ATG7: variants seen among roughly 807,000 people sequenced by gnomAD.
ATG7 encodes ubiquitin-like modifier-activating enzyme ATG7.
A neutral mutation model predicts 82.4 loss-of-function variants in ATG7; 70 were observed. That is an observed-to-expected ratio of 0.85 (90% CI 0.70 to 1.04). The LOEUF is 1.04. Ranked by LOEUF, ATG7 falls within the 50% of genes least tolerant of loss-of-function variation. The pLI, the probability that ATG7 is intolerant of heterozygous loss-of-function variation, is 0.00. For missense variants in ATG7, 792 were observed against 864.3 expected (o/e 0.92, Z 1.05); for synonymous variants, 287 against 313.0 (o/e 0.92, Z 0.88).
chr3:11,406,183 T>C (rs998071666), intron 19 of ATG7, among the ~76,000 whole-genome samples: 2 of 151,842 alleles, frequency 1.3e-5, no homozygotes, highest in Non-Finnish European at 2.9e-5. Context: ...AGAAATGGGG[T>C]TTCATCATAT....
At chr3:11,308,923 T>G in intron 6 of ATG7, 61 bp from the exon 7 acceptor site, 17 of 1,471,724 alleles carry the variant, frequency 1.2e-5, no homozygotes, top group Admixed American at 1.7e-5. Flanking sequence ...ACACTTCACC[T>G]GAGAGTGAGA....
At chr3:11,558,475 ATTTTTT>A (rs369629845), downstream of ATG7, 22 of 790,072 alleles carry the variant, frequency 2.8e-5, no homozygotes, top group African/African-American at 4.1e-5. Context: ...CACCCCCATG[ATTTTTT>A]TTTTTTTAAG....
At chr3:11,572,807 C>T in the ATG7 span, among the ~76,000 whole-genome samples, 1 of 152,126 alleles carries the variant, frequency 6.6e-6, no homozygotes, top group South Asian at 2.1e-4. Flanking sequence ...TACGAATACA[C>T]CACTGCATAT....
At chr3:11,318,670 T>C (rs909432136) in intron 9 of ATG7, among the ~76,000 whole-genome samples, 1 of 152,238 alleles carries the variant, frequency 6.6e-6, no homozygotes, top group African/African-American at 2.4e-5. Context: ...ACTACTTAGC[T>C]TGGCGTTTGA....
chr3:11,385,644 C>T lies in ATG7; in HGVS notation c.1956+5592C>T, dbSNP rs557449203. 9.2e-5 allele frequency among the ~76,000 whole-genome samples: 14 copies of T among 152,218 alleles called. No individual in the cohort carries two copies. The South Asian group carries it at 2.9e-3, about 32-fold the overall frequency. On this transcript the variant is annotated intron_variant, in intron 19 of 20. Transcript: ENST00000693202. ...GTCCTCTTGTTACGGCATCCCAATA[C>T]CAATTAATTTTGTAAATGTGGAGGA... is the stretch of plus-strand genomic sequence containing the variant.
chr3:11,461,025 A>G (rs970166537), intron 20 of ATG7, among the ~76,000 whole-genome samples: 1 of 152,224 alleles, frequency 6.6e-6, no homozygotes, highest in Non-Finnish European at 1.5e-5. Flanking sequence ...TGATATAATG[A>G]CACACATGAG....
intron 20 of ATG7, among the ~76,000 whole-genome samples, chr3:11,444,630 A>T (rs753248065): frequency 8.5e-5 from 13 of 152,222 alleles, no homozygotes; most frequent in Non-Finnish European, 1.6e-4. Context: ...ACATCCAGAC[A>T]TCCTGGCCCT....
At chr3:11,351,011 G>GCT (rs367586886) in intron 14 of ATG7, among the ~76,000 whole-genome samples, 2 of 150,672 alleles carry the variant, frequency 1.3e-5, no homozygotes, top group East Asian at 3.9e-4. Context: ...GACAGACCTG[G>GCT]CTTTGAACCT....
intron 20 of ATG7, among the ~76,000 whole-genome samples, chr3:11,504,156 G>A (rs1575092401): frequency 6.6e-6 from 1 of 152,230 alleles, no homozygotes; most frequent in Middle Eastern, 3.4e-3. Flanking sequence ...TCGAGAGGGG[G>A]AAAAAAGTTG....
At chr3:11,531,885 A>G (rs1204412825) in intron 20 of ATG7, among the ~76,000 whole-genome samples, 2 of 151,958 alleles carry the variant, frequency 1.3e-5, no homozygotes, top group African/African-American at 4.8e-5. Context: ...AAAAAAAAAA[A>G]AAAGTCTAAT....
intron 20 of ATG7, among the ~76,000 whole-genome samples, chr3:11,548,297 A>C (rs1035264935): frequency 3.9e-5 from 6 of 152,198 alleles, no homozygotes; most frequent in African/African-American, 1.4e-4. Context: ...CAAGTCTCTT[A>C]TCAGATACAT....
At chr3:11,304,685 G>A (rs1947424994) in intron 5 of ATG7, 1 of 152,272 alleles carries the variant, frequency 6.6e-6, no homozygotes, top group African/African-American at 2.4e-5. Flanking sequence ...ACTGAATGAA[G>A]TGAAGGCCAA....
intron 18 of ATG7, among the ~76,000 whole-genome samples, chr3:11,378,791 C>T (rs2077649505): frequency 6.6e-6 from 1 of 150,474 alleles, no homozygotes; most frequent in Non-Finnish European, 1.5e-5. Flanking sequence ...ACAGTGTGAG[C>T]ATCAGGATGG....
chr3:11,347,115 G>T (rs746223531), intron 13 of ATG7, among the ~76,000 whole-genome samples: 1 of 152,204 alleles, frequency 6.6e-6, no homozygotes, highest in Admixed American at 6.5e-5. Flanking sequence ...TCATTTGGTT[G>T]CACCTCTGGA....
intron 20 of ATG7, among the ~76,000 whole-genome samples, chr3:11,509,213 T>C (rs2091912785): frequency 6.6e-6 from 1 of 152,228 alleles, no homozygotes; most frequent in Non-Finnish European, 1.5e-5. Context: ...TTTTAGCTTA[T>C]AAACATAGAG....
intron 13 of ATG7, among the ~76,000 whole-genome samples, chr3:11,345,278 A>G (rs1954341516): frequency 6.6e-6 from 1 of 152,112 alleles, no homozygotes; most frequent in African/African-American, 2.4e-5. Flanking sequence ...GCATGGTGGC[A>G]GGCGCCTGTG....
chr3:11,295,131 T>TA (rs1945659448), intron 3 of ATG7, among the ~76,000 whole-genome samples: 1 of 151,832 alleles, frequency 6.6e-6, no homozygotes, highest in Non-Finnish European at 1.5e-5. Context: ...AATAAATAAA[T>TA]ATGTGCTCAA....
intron 15 of ATG7, 103 bp from the exon 16 acceptor site, chr3:11,360,478 A>T: frequency 1.7e-6 from 2 of 1,174,570 alleles, no homozygotes; most frequent in South Asian, 1.5e-5. Context: ...TTACACTTAC[A>T]TGCAAAAAAT....
At chr3:11,313,101 G>T (rs1379980022) in intron 7 of ATG7, among the ~76,000 whole-genome samples, 1 of 152,110 alleles carries the variant, frequency 6.6e-6, no homozygotes, top group Admixed American at 6.5e-5. Flanking sequence ...TATTAGTGGT[G>T]GTATATGAGA....
Sources: gnomAD v4.1 joint callset for allele counts (sites outside exome capture counted in the v4.1 genomes callset) on GRCh38, gnomAD v4.1.1 for gene constraint, MANE v1.5 for transcripts, NCBI Gene and HGNC (gene_info 2026-07-23, HGNC 2026-07-21) for gene names.